The following NRG1 variants were observed in gnomAD, a reference collection of about 807,000 sequenced individuals.
NRG1 encodes pro-neuregulin-1, membrane-bound isoform.
In NRG1, 18 loss-of-function variants were observed where a neutral mutation model predicts 63.8. The observed-to-expected ratio is 0.28, with a 90% CI of 0.19 to 0.42. The LOEUF (loss-of-function observed/expected upper bound fraction) is 0.42, where lower values mean the gene tolerates loss of function less well. NRG1 is among the 10% of genes least tolerant of loss of function. The pLI is 1.00. For synonymous variants in NRG1, 302 were observed against 301.3 expected (o/e 1.00, Z -0.02); for missense variants, 762 against 814.7 (o/e 0.94, Z 0.79).
At chr8:31,844,807 C>A (rs16878344) in intron 1 of NRG1, among the ~76,000 whole-genome samples, 22,113 of 150,512 alleles carry the variant, frequency 0.15, 1,973 homozygotes, top group Non-Finnish European at 0.19. Flanking sequence ...TTTTCCTTTT[C>A]CTTTTCCAAA....
Position 32,652,673 on chromosome 8 carries a change from C to A in NRG1, c.502+35788C>A, listed in dbSNP as rs1303940568. 2.0e-5 allele frequency among the ~76,000 whole-genome samples: 3 copies of A among 152,094 alleles called. No homozygotes were observed. The South Asian group carries it at 6.2e-4, about 32-fold the overall frequency. On this transcript the variant is annotated intron_variant, in intron 5 of 11. Coordinates refer to ENST00000356819, the Ensembl canonical transcript of NRG1. Reference sequence around the variant, plus strand: ...TATATTACAAACATACAAAAAAAATCTCTAGCCAATGACCAATATACCAGT... The same window carrying A: ...TATATTACAAACATACAAAAAAAATATCTAGCCAATGACCAATATACCAGT...
In NRG1 at chr8:31,862,789, T is replaced by C. The variant is rs190957190; in HGVS notation, c.37+223358T>C. 9.2e-5 allele frequency among the ~76,000 whole-genome samples: 14 copies of C among 152,270 alleles called. No homozygotes were observed. The East Asian group carries it at 2.5e-3, about 27-fold the overall frequency. ...AAATGGCAATTCCGATAACAAGAGC[T>C]TGAATGTGGCCTTGAGGCAAGGGAA... On this transcript the variant is annotated intron_variant, in intron 1 of 10. Coordinates refer to the NRG1 transcript ENST00000519301.
At chr8:32,661,158 A>G (rs1241918559) in intron 5 of NRG1, among the ~76,000 whole-genome samples, 1 of 152,250 alleles carries the variant, frequency 6.6e-6, no homozygotes, top group Non-Finnish European at 1.5e-5. Context: ...GCAAAATGCC[A>G]TCTGTTGACA....
At chr8:32,410,100 A>G (rs1298961080) in intron 1 of NRG1, among the ~76,000 whole-genome samples, 1 of 151,542 alleles carries the variant, frequency 6.6e-6, no homozygotes, top group Non-Finnish European at 1.5e-5. Flanking sequence ...ATGGAGAAAA[A>G]CTGAGACAGG....
At chr8:32,673,811 G>A (rs373260654) in intron 5 of NRG1, among the ~76,000 whole-genome samples, 3 of 152,158 alleles carry the variant, frequency 2.0e-5, no homozygotes, top group South Asian at 2.1e-4. Context: ...TTGAGATTAC[G>A]TGACACTGCC....
At chr8:32,445,237 C>A (rs1820093202) in intron 1 of NRG1, among the ~76,000 whole-genome samples, 1 of 152,084 alleles carries the variant, frequency 6.6e-6, no homozygotes. Context: ...CTTATAATAC[C>A]TAGAGTTGTA....
At chr8:31,956,656 C>G (rs327393) in intron 1 of NRG1, among the ~76,000 whole-genome samples, 129,209 of 152,100 alleles carry the variant, frequency 0.85, 55,734 homozygotes, top group African/African-American at 0.96. Context: ...GCCAAGCGCT[C>G]TACTTGATTA....
At chr8:32,333,747 T>G (rs981874897) in intron 1 of NRG1, among the ~76,000 whole-genome samples, 4 of 152,240 alleles carry the variant, frequency 2.6e-5, no homozygotes, top group African/African-American at 9.6e-5. Flanking sequence ...ACCACCTATA[T>G]TTACAGATAC....
downstream of NRG1, among the ~76,000 whole-genome samples, chr8:32,771,715 A>AAAAAATATATAT (rs1343943621): frequency 1.4e-3 from 157 of 111,838 alleles, 2 homozygotes; most frequent in African/African-American, 5.0e-3. Flanking sequence ...TTAAAAAAAA[A>AAAAAATATATAT]ATATATATAT....
chr8:31,965,227 A>AT (rs57191876), intron 1 of NRG1, among the ~76,000 whole-genome samples: 61 of 144,918 alleles, frequency 4.2e-4, no homozygotes, highest in African/African-American at 9.3e-4. Flanking sequence ...GATGTCTTTT[A>AT]TTTTTTTTTT....
intron 1 of NRG1, chr8:31,639,940 G>A (rs1255860589): frequency 3.6e-6 from 4 of 1,121,748 alleles, no homozygotes; most frequent in Admixed American, 5.0e-5. Context: ...AGAGAGCCGG[G>A]CAGAGTCCGA....
intron 1 of NRG1, among the ~76,000 whole-genome samples, chr8:32,115,418 A>C (rs1481863250): frequency 6.6e-6 from 1 of 152,164 alleles, no homozygotes; most frequent in African/African-American, 2.4e-5. Context: ...ATATTATTAC[A>C]ATAAAGTTGG....
chr8:32,011,549 C>T (rs1465422803), intron 1 of NRG1, among the ~76,000 whole-genome samples: 1 of 152,102 alleles, frequency 6.6e-6, no homozygotes, highest in Non-Finnish European at 1.5e-5. Context: ...GTCACTTTTG[C>T]AGCTGACAAT....
At chr8:32,181,659 C>T (rs1432530231) in intron 1 of NRG1, among the ~76,000 whole-genome samples, 1 of 152,204 alleles carries the variant, frequency 6.6e-6, no homozygotes, top group East Asian at 1.9e-4. Context: ...ATAGTCTTAA[C>T]CTTTTATTCT....
intron 1 of NRG1, among the ~76,000 whole-genome samples, chr8:32,088,334 A>G (rs2131236848): frequency 6.6e-6 from 1 of 152,328 alleles, no homozygotes; most frequent in Admixed American, 6.5e-5. Context: ...ATGGAAAATA[A>G]ATTCCAGACG....
At chr8:32,731,454 A>T (rs186676844) in intron 6 of NRG1, among the ~76,000 whole-genome samples, 2 of 150,646 alleles carry the variant, frequency 1.3e-5, no homozygotes, top group Admixed American at 1.3e-4. Flanking sequence ...TATTTAAATT[A>T]TTACTGGATC....
rs1266124542 is a variant in NRG1, at chr8:31,640,761, G to C, written c.37+1330G>C. ...TCCTCGCCCTTGGGGGCGCGAACCC[G>C]CGGCGAGGAGGGCGCATCCCGGGCG... On this transcript the variant is annotated intron_variant, in intron 1 of 10. Transcript: ENST00000519301. This position sits in a 1 kb window ranked among gnomAD's most constrained non-coding sequence, Gnocchi z 6.3. 2 of 1,471,676 alleles carry C rather than the reference G, an allele frequency of 1.4e-6. No individual in the cohort carries two copies. The highest frequency in any genetic ancestry group is 2.9e-5 in the African/African-American group (2 of 69,008). The allele number at this position is 1,471,676 out of a possible 1,614,324, so 91.2% of individuals were successfully genotyped here. A position where few individuals can be genotyped will look rare whatever the true frequency, so the allele number is the denominator to read the frequency against.
intron 1 of NRG1, among the ~76,000 whole-genome samples, chr8:31,996,366 T>C (rs184130055): frequency 2.0e-5 from 3 of 152,062 alleles, no homozygotes; most frequent in African/African-American, 7.2e-5. Flanking sequence ...AAAGTAGGTT[T>C]TGTTACCAGT....
intron 1 of NRG1, among the ~76,000 whole-genome samples, chr8:32,407,283 ATATATATATATT>A (rs1814156954): frequency 1.4e-5 from 1 of 70,288 alleles, no homozygotes; most frequent in Admixed American, 1.6e-4. Context: ...TATTATATAT[ATATATATATATT>A]ATATATATAT....
Sources: allele counts gnomAD v4.1 joint callset (sites outside exome capture counted in the v4.1 genomes callset), GRCh38; gene constraint gnomAD v4.1.1; non-coding constraint Gnocchi (gnomAD v3.1); transcripts MANE v1.5; gene names NCBI Gene and HGNC (gene_info 2026-07-23, HGNC 2026-07-21).